Variants in MED13L observed in about 807,000 individuals in gnomAD.
The protein encoded by MED13L is mediator complex subunit 13L, also known as mediator of RNA polymerase II transcription subunit 13-like.
A neutral mutation model predicts 220.9 loss-of-function variants in MED13L; 7 were observed. That is an observed-to-expected ratio of 0.03 (90% CI 0.02 to 0.06). MED13L has a LOEUF of 0.06. Ranked by LOEUF, MED13L falls within the 10% of genes least tolerant of loss-of-function variation. MED13L has a pLI of 1.00. For missense variants in MED13L, 1,965 were observed against 2,760.5 expected, an observed-to-expected ratio of 0.71 and a Z score of 6.46; for synonymous variants, 1,011 against 1,015.2, an observed-to-expected ratio of 1.00 and a Z score of 0.08.
chr12:116,263,525 A>G (rs764285149), intron 1 of MED13L, among the ~76,000 whole-genome samples: 4 of 152,216 alleles, frequency 2.6e-5, no homozygotes, highest in Non-Finnish European at 5.9e-5. Context: ...CTATTGTGCT[A>G]ATCTCCAACT....
At chr12:116,103,423 C>T (rs1873261852) in intron 3 of MED13L, among the ~76,000 whole-genome samples, 1 of 151,958 alleles carries the variant, frequency 6.6e-6, no homozygotes, top group African/African-American at 2.4e-5. Context: ...ATCAGCTAAT[C>T]TTTATTTTTT....
intron 29 of MED13L, 53 bp from the exon 30 acceptor site, chr12:115,963,572 G>T: frequency 7.5e-7 from 1 of 1,336,718 alleles, no homozygotes; most frequent in Non-Finnish European, 1.1e-6. Context: ...TCACAGTGCA[G>T]AAGTGAGGGA....
At chr12:116,175,236 A>G (rs1296543901) in intron 2 of MED13L, among the ~76,000 whole-genome samples, 1 of 152,182 alleles carries the variant, frequency 6.6e-6, no homozygotes, top group Non-Finnish European at 1.5e-5. Flanking sequence ...ATCTCAAGCA[A>G]GATTTGGGTC....
chr12:116,131,105 C>T (rs573883793), intron 2 of MED13L, among the ~76,000 whole-genome samples: 18 of 152,140 alleles, frequency 1.2e-4, no homozygotes, highest in Non-Finnish European at 2.2e-4. Flanking sequence ...AAAAATGTCT[C>T]CAACCATTGC....
chr12:116,211,058 G>A (rs1327227097), intron 2 of MED13L, among the ~76,000 whole-genome samples: 1 of 152,104 alleles, frequency 6.6e-6, no homozygotes, highest in Non-Finnish European at 1.5e-5. Flanking sequence ...AGAGATCTAG[G>A]GAAACTTCGT....
chr12:116,225,210 T>C (rs1223712344), intron 2 of MED13L, among the ~76,000 whole-genome samples: 4 of 152,232 alleles, frequency 2.6e-5, no homozygotes, highest in Non-Finnish European at 4.4e-5. Context: ...TCTGTGTATA[T>C]TGGGACTAAT....
intron 2 of MED13L, chr12:116,174,463 T>A (rs1879900284): frequency 6.6e-6 from 1 of 151,320 alleles, no homozygotes; most frequent in African/African-American, 2.4e-5. Context: ...TTAGATACAA[T>A]ATTTACAAAC....
At chr12:116,007,661 A>C in intron 10 of MED13L, 25 bp from the exon 11 acceptor site, 1 of 1,573,060 alleles carries the variant, frequency 6.4e-7, no homozygotes, top group South Asian at 1.2e-5. Context: ...AAAAAAAAAA[A>C]AAAAGAGCAT....
Position 116,003,136 on chromosome 12 carries a change from C to T in MED13L, c.2470-34G>A, listed in dbSNP as rs199965954. On this transcript the variant is annotated intron_variant, in intron 13 of 30. Coordinates refer to ENST00000281928, the MANE Select transcript of MED13L (RefSeq NM_015335.5). ...AGACGGTGTTATTAAAACAGAGTGACGTGTATATAAGTAGGGCAGCATTCA... is the reference window on the plus strand; with the variant it reads ...AGACGGTGTTATTAAAACAGAGTGATGTGTATATAAGTAGGGCAGCATTCA... The T allele has an allele frequency of 6.2e-5, 98 of 1,568,582 alleles. No individual in the cohort carries two copies. The Admixed American group carries it at 8.5e-4, about 14-fold the overall frequency.
intron 1 of MED13L, among the ~76,000 whole-genome samples, chr12:116,240,560 T>C (rs1031419680): frequency 1.4e-5 from 2 of 142,078 alleles, no homozygotes; most frequent in African/African-American, 5.3e-5. Context: ...GGAGACGGAG[T>C]CTCGCCCTGT....
intron 2 of MED13L, among the ~76,000 whole-genome samples, chr12:116,168,367 CGAG>C (rs1001179145): frequency 1.3e-5 from 2 of 149,712 alleles, no homozygotes; most frequent in African/African-American, 4.9e-5. Flanking sequence ...TACAAGGTGA[CGAG>C]AAGCTATTAA....
intron 4 of MED13L, among the ~76,000 whole-genome samples, chr12:116,065,682 AATAT>A (rs1869865177): frequency 1.3e-5 from 2 of 152,200 alleles, no homozygotes; most frequent in Non-Finnish European, 2.9e-5. Flanking sequence ...CAAGAGGCCT[AATAT>A]TGCATGGTCA....
intron 4 of MED13L, among the ~76,000 whole-genome samples, chr12:116,072,262 T>G (rs1056913979): frequency 6.6e-6 from 1 of 152,222 alleles, no homozygotes; most frequent in African/African-American, 2.4e-5. Context: ...AAGCATTTAC[T>G]GTGGGAAAGG....
In MED13L at chr12:116,271,064, A is replaced by AAAAG. The variant is rs1166774866; in HGVS notation, c.72+5992_72+5995dup. Reference sequence around the variant, plus strand: ...TCAAAAAAAAAAAAAAAAAAAAAAAAAAAGAAAGAAAATTATCTGAACAAG... The same window carrying AAAAG: ...TCAAAAAAAAAAAAAAAAAAAAAAAAAAAGAAAGAAAGAAAATTATCTGAACAAG... On this transcript the variant is annotated intron_variant, in intron 1 of 30. Transcript: ENST00000281928. 5.0e-4 allele frequency among the ~76,000 whole-genome samples: 75 copies of AAAAG among 150,500 alleles called. 1 individual carries two copies. The highest frequency in any genetic ancestry group is 1.7e-3 in the African/African-American group (71 of 41,106).
chr12:116,135,314 G>A (rs529978578), intron 2 of MED13L, among the ~76,000 whole-genome samples: 1 of 152,306 alleles, frequency 6.6e-6, no homozygotes, highest in African/African-American at 2.4e-5. Context: ...AGGCCACTAT[G>A]CTGAAAGGAA....
In MED13L at chr12:116,185,232, A is replaced by C. The variant is rs996517688; in HGVS notation, c.310+52236T>G. On this transcript the variant is annotated intron_variant, in intron 2 of 30. Transcript: ENST00000281928. ...CCTACAAAGTGGTCAGTAGAAAGCA[A>C]TATTATTGGATAACCAAAAGAAAAC... is the stretch of plus-strand genomic sequence containing the variant. Among the ~76,000 whole-genome samples the C allele has an allele frequency of 2.0e-5, 3 of 152,196 alleles. No homozygotes were observed. The East Asian group carries it at 5.8e-4, about 29-fold the overall frequency.
chr12:116,239,733 C>A (rs1593198439), intron 1 of MED13L, among the ~76,000 whole-genome samples: 3 of 152,188 alleles, frequency 2.0e-5, no homozygotes, highest in African/African-American at 7.2e-5. Flanking sequence ...ATGATGAGTG[C>A]TACCACGTTA....
intron 2 of MED13L, among the ~76,000 whole-genome samples, chr12:116,203,813 T>G (rs1882151160): frequency 6.6e-6 from 1 of 151,840 alleles, no homozygotes; most frequent in Admixed American, 6.6e-5. Flanking sequence ...AGAGTGAGAC[T>G]CCATCTCAAA....
At chr12:115,970,359 G>A (rs1876496453) in intron 27 of MED13L, among the ~76,000 whole-genome samples, 2 of 152,136 alleles carry the variant, frequency 1.3e-5, no homozygotes, top group African/African-American at 4.8e-5. Context: ...TGCCTTTAAT[G>A]AAAAATGGAA....
Sources: allele counts gnomAD v4.1 joint callset (sites outside exome capture counted in the v4.1 genomes callset), GRCh38; gene constraint gnomAD v4.1.1; transcripts MANE v1.5; gene names NCBI Gene and HGNC (gene_info 2026-07-23, HGNC 2026-07-21).